Variants in TOGARAM1 observed in about 807,000 individuals in gnomAD.
The protein encoded by TOGARAM1 is TOG array regulator of axonemal microtubules protein 1.
TOGARAM1 carries 100 observed loss-of-function variants against 166.6 expected under a neutral mutation model. The observed-to-expected ratio is 0.60, with a 90% confidence interval of 0.51 to 0.71. The LOEUF is 0.71. Among genes scored for constraint, TOGARAM1 ranks in the 30% least tolerant of loss-of-function variants. The pLI is 0.00. For missense variants in TOGARAM1, 2,029 were observed against 2,102.7 expected (o/e 0.96, Z 0.69); for synonymous variants, 758 against 763.8 (o/e 0.99, Z 0.13).
chr14:45,061,142 TGCAAATATTC>T (rs1882884481), intron 16 of TOGARAM1, among the ~76,000 whole-genome samples: 1 of 152,248 alleles, frequency 6.6e-6, no homozygotes, highest in Admixed American at 6.5e-5. Context: ...TGTTTATTTA[TGCAAATATTC>T]ATTTATATTC....
At chr14:45,047,708 G>C (rs1445630792) in intron 14 of TOGARAM1, among the ~76,000 whole-genome samples, 1 of 152,036 alleles carries the variant, frequency 6.6e-6, no homozygotes, top group African/African-American at 2.4e-5. Context: ...ATAAAATTAG[G>C]AAGGGTGGAC....
intron 5 of TOGARAM1, chr14:45,006,521 C>A (rs374458431): frequency 1.1e-5 from 3 of 283,340 alleles, no homozygotes; most frequent in East Asian, 7.0e-5. Context: ...ATACATTATT[C>A]CTTTTTAAAT....
intron 10 of TOGARAM1, among the ~76,000 whole-genome samples, chr14:45,030,559 CAT>C (rs1311489314): frequency 6.6e-6 from 1 of 151,974 alleles, no homozygotes; most frequent in Admixed American, 6.6e-5. Flanking sequence ...TTTATTTATA[CAT>C]GTTAGTCTTA....
chr14:45,059,685 A>C (rs1882809263), intron 16 of TOGARAM1, among the ~76,000 whole-genome samples: 1 of 151,480 alleles, frequency 6.6e-6, no homozygotes, highest in Non-Finnish European at 1.5e-5. Flanking sequence ...AAAACAAAAC[A>C]AAAAACAAAC....
intron 1 of TOGARAM1, among the ~76,000 whole-genome samples, chr14:44,990,681 C>T (rs368889256): frequency 1.3e-5 from 2 of 152,128 alleles, no homozygotes; most frequent in South Asian, 2.1e-4. Context: ...ACAAACTGCA[C>T]ACAAAATAGC....
chr14:44,964,617 A>G, intron 1 of TOGARAM1, 150 bp downstream of exon 1: 1 of 895,562 alleles, frequency 1.1e-6, no homozygotes, highest in Non-Finnish European at 1.6e-6. Flanking sequence ...GGTACTCATT[A>G]TAATGGTACA....
At chr14:45,051,553 CTTT>C (rs1015760925) in intron 14 of TOGARAM1, among the ~76,000 whole-genome samples, 1,411 of 89,896 alleles carry the variant, frequency 0.016, 14 homozygotes, top group African/African-American at 0.067. Context: ...CCAACAGATG[CTTT>C]TTTTTTTTTT....
In TOGARAM1 at chr14:45,008,811, GT is replaced by G. The variant is rs1879613756; in HGVS notation, c.2905-101del. ...TCTTGTTTTAGTACAGGATTGGGAA[GT>G]GGTTAGCTAGGTATAGCTAATGGAG... On this transcript the variant is annotated intron_variant, in intron 5 of 19. Coordinates refer to ENST00000361462, the MANE Select transcript of TOGARAM1 (RefSeq NM_001308120.2). 4 of 758,720 alleles carry G rather than the reference GT, an allele frequency of 5.3e-6. No individual in the cohort carries two copies. The African/African-American group carries it at 7.1e-5, about 13-fold the overall frequency. The allele number at this position is 758,720 out of a possible 1,614,324, so 47.0% of individuals were successfully genotyped here.
intron 1 of TOGARAM1, among the ~76,000 whole-genome samples, chr14:44,977,025 TA>T (rs1345243362): frequency 6.6e-6 from 1 of 152,188 alleles, no homozygotes; most frequent in East Asian, 1.9e-4. Flanking sequence ...ACAATTATGT[TA>T]AATTGTTTTA....
intron 8 of TOGARAM1, among the ~76,000 whole-genome samples, chr14:45,026,837 A>G (rs1166967065): frequency 6.8e-6 from 1 of 147,036 alleles, no homozygotes; most frequent in Non-Finnish European, 1.5e-5. Flanking sequence ...ATCTCTACCA[A>G]AAAAAAAAAA....
At chr14:45,002,038 A>G (rs1887711107) in intron 3 of TOGARAM1, among the ~76,000 whole-genome samples, 1 of 152,198 alleles carries the variant, frequency 6.6e-6, no homozygotes. Flanking sequence ...TGATAGGGAT[A>G]TACTTATTTA....
At position 45,025,813 on chromosome 14, in the gene TOGARAM1, G is replaced by A; in HGVS notation, c.3269G>A (p.Ser1090Asn). ...GSSSNPQQIS[S>N]FDFTTTKALS... ...TCATCAAATCCACAGCAAATTTCCA[G>A]TTTTGACTTCACAACCACAAAGGCT... The change falls in exon 8 of 20, where the codon AGT becomes AAT. Residue 1090 changes from serine (S) to asparagine (N), a missense_variant. This residue lies in a region of TOGARAM1 where 1,453 missense variants were observed against 1,432.2 expected (regional missense o/e 1.01). Transcript: ENST00000361462. The A allele has an allele frequency of 6.2e-7, 1 of 1,610,152 alleles. No individual in the cohort carries two copies. The highest frequency in any genetic ancestry group is 8.5e-7 in the Non-Finnish European group (1 of 1,177,408).
Position 44,991,274 on chromosome 14 carries a change from GT to G in TOGARAM1, c.2047-4462del, listed in dbSNP as rs563158109. Among the ~76,000 whole-genome samples the G allele has an allele frequency of 5.4e-3, 798 of 148,132 alleles. 9 individuals are homozygous for G. Among genetic ancestry groups the G allele is most frequent in the African/African-American group, 0.017 (689 of 40,652 alleles). On this transcript the variant is annotated intron_variant, in intron 1 of 19. Coordinates refer to ENST00000361462, the MANE Select transcript of TOGARAM1 (RefSeq NM_001308120.2). Reference sequence around the variant, plus strand: ...CACTCAGCCTTAGTTTTTTGTTTTTGTTTTTTTTTTATTTTAGCTATGTAGC... The same window carrying G: ...CACTCAGCCTTAGTTTTTTGTTTTTGTTTTTTTTTATTTTAGCTATGTAGC...
chr14:45,043,925 G>C (rs996695153), intron 12 of TOGARAM1, 134 bp downstream of exon 12: 2 of 575,806 alleles, frequency 3.5e-6, no homozygotes, highest in Admixed American at 3.2e-5. Context: ...AATTAAAGTA[G>C]TCCATGTCTT....
chr14:44,992,719 G>A (rs575339431), intron 1 of TOGARAM1, among the ~76,000 whole-genome samples: 16 of 141,498 alleles, frequency 1.1e-4, no homozygotes, highest in African/African-American at 4.2e-4. Context: ...CTGGCTTCAC[G>A]CCATTCTCCT....
At chr14:44,976,264 C>T (rs1886186741) in intron 1 of TOGARAM1, among the ~76,000 whole-genome samples, 1 of 152,152 alleles carries the variant, frequency 6.6e-6, no homozygotes, top group African/African-American at 2.4e-5. Flanking sequence ...CTACATTTAA[C>T]CTATTGATTT....
intron 1 of TOGARAM1, among the ~76,000 whole-genome samples, chr14:44,968,116 G>A (rs1885659179): frequency 6.6e-6 from 1 of 152,060 alleles, no homozygotes; most frequent in South Asian, 2.1e-4. Flanking sequence ...ACTTAACCCA[G>A]AAATCAAGTT....
chr14:45,025,786 C>A lies in TOGARAM1; in HGVS notation c.3242C>A (p.Ser1081Ter). ...HIAEQSPSAG[S>*]SSNPQQISSF... ...TTGTTTTTTGGGGGATTTACAGGGT[C>A]ATCATCAAATCCACAGCAAATTTCC... Residue 1081 changes from serine (S) to a stop codon, truncating the protein, a stop_gained, in exon 8 of 20, where the codon TCA becomes TAA. Transcript: ENST00000361462. LOFTEE classifies it high-confidence loss of function. 1 of 1,590,896 alleles carries A rather than the reference C, an allele frequency of 6.3e-7. No homozygotes were observed. Among genetic ancestry groups the A allele is most frequent in the Non-Finnish European group, 8.6e-7 (1 of 1,160,088 alleles).
At chr14:44,974,479 A>G (rs1249958009) in intron 1 of TOGARAM1, among the ~76,000 whole-genome samples, 3 of 152,114 alleles carry the variant, frequency 2.0e-5, no homozygotes, top group African/African-American at 7.2e-5. Flanking sequence ...TAACTTCAAC[A>G]TTCCTGCCAT....
Sources: gnomAD v4.1 joint callset for allele counts (sites outside exome capture counted in the v4.1 genomes callset) on GRCh38, gnomAD v4.1.1 for gene constraint, gnomAD v4.1.1 regional missense constraint, MANE v1.5 for transcripts, NCBI Gene and HGNC (gene_info 2026-07-23, HGNC 2026-07-21) for gene names.